DYRK1A: variants seen among roughly 807,000 people sequenced by gnomAD.
DYRK1A encodes the protein dual specificity tyrosine phosphorylation regulated kinase 1A, also known as dual specificity tyrosine-phosphorylation-regulated kinase 1A.
A neutral mutation model predicts 79.7 loss-of-function variants in DYRK1A; 9 were observed. The observed-to-expected ratio is 0.11, with a 90% CI of 0.07 to 0.20. The LOEUF (loss-of-function observed/expected upper bound fraction) is 0.20. DYRK1A is among the 10% of genes least tolerant of loss of function. The pLI, the probability that DYRK1A is intolerant of heterozygous loss-of-function variation, is 1.00. For synonymous variants in DYRK1A, 349 were observed against 329.7 expected, an observed-to-expected ratio of 1.06 and a Z score of -0.63; for missense variants, 622 against 956.0, an observed-to-expected ratio of 0.65 and a Z score of 4.61.
intron 2 of DYRK1A, among the ~76,000 whole-genome samples, chr21:37,458,776 T>C (rs536227378): frequency 9.8e-5 from 15 of 152,312 alleles, no homozygotes; most frequent in South Asian, 8.3e-4. Context: ...ATGTGAGATA[T>C]AGAGAGCAGG....
At chr21:37,440,320 AG>A (rs1569323490) in intron 2 of DYRK1A, among the ~76,000 whole-genome samples, 1 of 151,170 alleles carries the variant, frequency 6.6e-6, no homozygotes, top group East Asian at 1.9e-4. Context: ...TATTTTTAGT[AG>A]AGACAGGGTT....
At chr21:37,437,936 A>C (rs934064385) in intron 2 of DYRK1A, among the ~76,000 whole-genome samples, 6 of 152,206 alleles carry the variant, frequency 3.9e-5, no homozygotes, top group African/African-American at 1.4e-4. Flanking sequence ...ATGGTTTTAC[A>C]AAGTAGTTGT....
At chr21:37,409,706 T>A (rs2050209565) in intron 1 of DYRK1A, among the ~76,000 whole-genome samples, 1 of 152,138 alleles carries the variant, frequency 6.6e-6, no homozygotes, top group Non-Finnish European at 1.5e-5. Flanking sequence ...TACTCAGAAT[T>A]TTATTGGCCA....
At chr21:37,451,692 C>T (rs1033049235) in intron 2 of DYRK1A, among the ~76,000 whole-genome samples, 5 of 151,824 alleles carry the variant, frequency 3.3e-5, no homozygotes, top group Non-Finnish European at 2.9e-5. Flanking sequence ...CACTGTCTAG[C>T]GTGGGCGTGC....
chr21:37,366,026 C>T (rs1189851127), upstream of DYRK1A: 1 of 152,214 alleles, frequency 6.6e-6, no homozygotes, highest in Middle Eastern at 3.4e-3. Flanking sequence ...CCTGCGATGT[C>T]TGGGGCGCGG....
intron 2 of DYRK1A, among the ~76,000 whole-genome samples, chr21:37,432,591 C>T (rs982024904): frequency 6.6e-6 from 1 of 151,996 alleles, no homozygotes; most frequent in Non-Finnish European, 1.5e-5. Flanking sequence ...TTTTTCAAAA[C>T]TATAAAGCTG....
Position 37,518,944 on chromosome 21 carries a change from C to T in DYRK1A, c.*6413C>T, listed in dbSNP as rs909090643. On this transcript the variant is annotated 3_prime_UTR_variant, in exon 12 of 12. Coordinates refer to ENST00000647188, the MANE Select transcript of DYRK1A (RefSeq NM_001347721.2). ...ACATCTTGAAATGGAGTTTGATTAC[C>T]AAAGTTTACATAGAGTAATGGATAA... The T allele has an allele frequency of 6.6e-6, 1 of 152,084 alleles. No individual in the cohort carries two copies. Among genetic ancestry groups the T allele is most frequent in the Non-Finnish European group, 1.5e-5 (1 of 68,018 alleles). 9.4% of individuals were successfully genotyped at this position (152,084 alleles called of 1,614,324 possible).
At chr21:37,489,562 AAC>A (rs1405214708) in intron 6 of DYRK1A, among the ~76,000 whole-genome samples, 1 of 152,096 alleles carries the variant, frequency 6.6e-6, no homozygotes, top group Admixed American at 6.6e-5. Flanking sequence ...CAATTTGATA[AAC>A]ACAGTTAAGT....
intron 9 of DYRK1A, chr21:37,502,597 TTAAA>T (rs1489476468): frequency 6.6e-6 from 1 of 152,204 alleles, no homozygotes; most frequent in Admixed American, 6.5e-5. Context: ...TGTTGGCTGT[TTAAA>T]TAAAAAATAG....
chr21:37,381,681 G>T (rs900852643), intron 1 of DYRK1A, among the ~76,000 whole-genome samples: 10 of 152,032 alleles, frequency 6.6e-5, no homozygotes, highest in Non-Finnish European at 1.3e-4. Flanking sequence ...CCAGCTACTC[G>T]GGAGCCTGAG....
In DYRK1A at chr21:37,512,291, A is replaced by G; in HGVS notation, c.2025A>G (p.Pro675=). 1 of 1,614,214 alleles carries G rather than the reference A, an allele frequency of 6.2e-7. No homozygotes were observed. The highest frequency in any genetic ancestry group is 8.5e-7 in the Non-Finnish European group (1 of 1,180,030). ...GCAATCAGGCCTACCAGAATCGCCC[A>G]GTGGCTGCTAATACCTTGGACTTTG... is the stretch of plus-strand genomic sequence containing the variant. ...NQGNQAYQNR[P]VAANTLDFGQ... The change falls in exon 12 of 12, where the codon CCA becomes CCG. Residue 675 remains proline, a synonymous_variant. Coordinates refer to ENST00000647188, the MANE Select transcript of DYRK1A (RefSeq NM_001347721.2).
chr21:37,482,322 A>T (rs2052676374), intron 5 of DYRK1A, among the ~76,000 whole-genome samples: 2 of 152,130 alleles, frequency 1.3e-5, no homozygotes, highest in Admixed American at 1.3e-4. Context: ...CCGGTTTGAG[A>T]AATAAAGGGA....
At chr21:37,406,051 C>A (rs1028035115) in intron 1 of DYRK1A, among the ~76,000 whole-genome samples, 2 of 150,870 alleles carry the variant, frequency 1.3e-5, no homozygotes, top group South Asian at 2.1e-4. Context: ...ATATTTATTT[C>A]TTAAAAATTT....
chr21:37,394,803 A>C (rs1021688737), intron 1 of DYRK1A, among the ~76,000 whole-genome samples: 1 of 152,144 alleles, frequency 6.6e-6, no homozygotes, highest in Non-Finnish European at 1.5e-5. Flanking sequence ...GTTATGGGAT[A>C]CTCAGCTCCA....
At chr21:37,451,591 C>T (rs566941530) in intron 2 of DYRK1A, among the ~76,000 whole-genome samples, 8 of 151,292 alleles carry the variant, frequency 5.3e-5, no homozygotes, top group Non-Finnish European at 5.9e-5. Context: ...GCAGTAGGCT[C>T]CACCGTCTAG....
intron 1 of DYRK1A, among the ~76,000 whole-genome samples, chr21:37,413,687 C>T (rs2050283650): frequency 6.6e-6 from 1 of 152,162 alleles, no homozygotes; most frequent in African/African-American, 2.4e-5. Flanking sequence ...CGCTGGATCT[C>T]AGCTTTGATT....
chr21:37,496,967 ATAAT>A (rs1362232782), intron 9 of DYRK1A, among the ~76,000 whole-genome samples: 1 of 152,178 alleles, frequency 6.6e-6, no homozygotes, highest in East Asian at 1.9e-4. Context: ...AGATCTGTAA[ATAAT>A]CATGTTTTGT....
chr21:37,494,886 TG>T (rs2053212130), intron 8 of DYRK1A, among the ~76,000 whole-genome samples: 1 of 151,520 alleles, frequency 6.6e-6, no homozygotes, highest in African/African-American at 2.4e-5. Flanking sequence ...AGGCAGAGCT[TG>T]CAGTGAGCCG....
At chr21:37,431,892 A>G (rs1311252211) in intron 2 of DYRK1A, among the ~76,000 whole-genome samples, 6 of 151,650 alleles carry the variant, frequency 4.0e-5, no homozygotes, top group Non-Finnish European at 8.8e-5. Flanking sequence ...TTTGCAAGAA[A>G]TTGATACAAA....
Sources: allele counts gnomAD v4.1 joint callset (sites outside exome capture counted in the v4.1 genomes callset), GRCh38; gene constraint gnomAD v4.1.1; transcripts MANE v1.5; gene names NCBI Gene and HGNC (gene_info 2026-07-23, HGNC 2026-07-21).